Variants in TNIP3 observed in about 807,000 individuals in gnomAD.
TNIP3 encodes the protein TNFAIP3-interacting protein 3.
TNIP3 carries 34 observed loss-of-function variants against 54.1 expected under a neutral mutation model. The observed-to-expected ratio is 0.63, with a 90% confidence interval of 0.48 to 0.84. The LOEUF (loss-of-function observed/expected upper bound fraction) is 0.84, where lower values mean the gene tolerates loss of function less well. Among genes scored for constraint, TNIP3 ranks in the 40% least tolerant of loss-of-function variants. The pLI, the probability that TNIP3 is intolerant of heterozygous loss-of-function variation, is 0.00. For missense variants in TNIP3, 366 were observed against 387.6 expected (o/e 0.94, Z 0.47); for synonymous variants, 134 against 136.8 (o/e 0.98, Z 0.14).
chr4:121,140,873 A>G (rs1042445653), intron 9 of TNIP3, among the ~76,000 whole-genome samples: 1 of 152,194 alleles, frequency 6.6e-6, no homozygotes, highest in African/African-American at 2.4e-5. Flanking sequence ...GTCAAATAAG[A>G]GATGCTCATT....
intron 3 of TNIP3, among the ~76,000 whole-genome samples, chr4:121,170,183 C>T (rs539458715): frequency 6.6e-6 from 1 of 152,152 alleles, no homozygotes; most frequent in Non-Finnish European, 1.5e-5. Flanking sequence ...GTTGTTAATT[C>T]GATGTACCTT....
intron 1 of TNIP3, among the ~76,000 whole-genome samples, chr4:121,221,913 C>T (rs1727042831): frequency 6.6e-6 from 1 of 152,124 alleles, no homozygotes; most frequent in Non-Finnish European, 1.5e-5. Flanking sequence ...ACCTGCATTT[C>T]TTCTTCATGC....
intron 9 of TNIP3, among the ~76,000 whole-genome samples, chr4:121,140,316 A>G (rs1729040258): frequency 1.3e-5 from 2 of 152,068 alleles, no homozygotes; most frequent in South Asian, 4.1e-4. Context: ...CCTGGATGAC[A>G]GAGCGAGATG....
chr4:121,154,235 C>T (rs537317031), intron 5 of TNIP3: 6 of 312,620 alleles, frequency 1.9e-5, no homozygotes, highest in East Asian at 1.0e-4. Context: ...CCAAGAGATA[C>T]GTTATTGTTC....
At chr4:121,200,434 G>A (rs1344186836) in intron 2 of TNIP3, among the ~76,000 whole-genome samples, 2 of 152,098 alleles carry the variant, frequency 1.3e-5, no homozygotes, top group South Asian at 2.1e-4. Context: ...GGCTCAGGGG[G>A]TTTTCCACAC....
chr4:121,203,862 T>C (rs1427657855), intron 2 of TNIP3, among the ~76,000 whole-genome samples: 1 of 150,928 alleles, frequency 6.6e-6, no homozygotes, highest in Non-Finnish European at 1.5e-5. Flanking sequence ...TATTTTTCTC[T>C]GTGTTTATAC....
chr4:121,223,516 C>T (rs1024017981), intron 1 of TNIP3, among the ~76,000 whole-genome samples: 2 of 152,190 alleles, frequency 1.3e-5, no homozygotes, highest in Non-Finnish European at 2.9e-5. Flanking sequence ...AAGAAAATCA[C>T]TTTTGCTACT....
intron 3 of TNIP3, among the ~76,000 whole-genome samples, chr4:121,170,080 T>C (rs1044530166): frequency 2.0e-5 from 3 of 152,172 alleles, no homozygotes; most frequent in Non-Finnish European, 2.9e-5. Context: ...CTGTGAAGTC[T>C]CCCCTGGTCT....
intron 5 of TNIP3, 28 bp downstream of exon 5, chr4:121,154,523 A>G: frequency 1.2e-6 from 2 of 1,611,162 alleles, no homozygotes; most frequent in Non-Finnish European, 8.5e-7. Flanking sequence ...TTCTCATTTT[A>G]ATCTCCCATG....
At chr4:121,222,804 G>T (rs1579516501) in intron 1 of TNIP3, among the ~76,000 whole-genome samples, 14 of 105,762 alleles carry the variant, frequency 1.3e-4, no homozygotes, top group African/African-American at 3.8e-4. Context: ...TTTTTTGTGC[G>T]TTTTTTTTTT....
At chr4:121,196,103 G>C (rs1366899748) in intron 2 of TNIP3, among the ~76,000 whole-genome samples, 1 of 152,280 alleles carries the variant, frequency 6.6e-6, no homozygotes, top group Non-Finnish European at 1.5e-5. Context: ...CCTGTTCTTA[G>C]AGTTGAGGGA....
intron 5 of TNIP3, among the ~76,000 whole-genome samples, chr4:121,150,668 A>T (rs1729693796): frequency 6.6e-6 from 1 of 152,196 alleles, no homozygotes; most frequent in African/African-American, 2.4e-5. Context: ...TGGTTTGAGA[A>T]TTTGCATTTC....
At chr4:121,221,392 T>A (rs1341305960), upstream of TNIP3, among the ~76,000 whole-genome samples, 3 of 152,070 alleles carry the variant, frequency 2.0e-5, no homozygotes, top group East Asian at 5.8e-4. Context: ...GTAAAGCAGA[T>A]CACGTGACTA....
At chr4:121,182,639 G>A (rs1171671864) in intron 3 of TNIP3, 3 of 1,532,036 alleles carry the variant, frequency 2.0e-6, no homozygotes, top group Non-Finnish European at 2.6e-6. Flanking sequence ...CTGCTGAAGG[G>A]TACATCGAGA....
intron 9 of TNIP3, among the ~76,000 whole-genome samples, chr4:121,140,115 C>T (rs1729026914): frequency 1.3e-5 from 2 of 151,996 alleles, no homozygotes; most frequent in Non-Finnish European, 2.9e-5. Flanking sequence ...GTGGGCGGAT[C>T]ATGAGGTCAG....
chr4:121,186,569 T>A (rs757528839), intron 2 of TNIP3, among the ~76,000 whole-genome samples: 1 of 152,206 alleles, frequency 6.6e-6, no homozygotes, highest in African/African-American at 2.4e-5. Flanking sequence ...CTTTTTGGCC[T>A]GTTTTGTAAA....
chr4:121,132,823 G>A (rs1014186310), intron 10 of TNIP3, among the ~76,000 whole-genome samples, 161 bp from the exon 11 acceptor site: 3 of 151,932 alleles, frequency 2.0e-5, no homozygotes, highest in South Asian at 2.1e-4. Context: ...ATCAAGAAGC[G>A]GGAGATGGAG....
intron 3 of TNIP3, among the ~76,000 whole-genome samples, chr4:121,157,778 C>A (rs1042192593): frequency 6.6e-6 from 1 of 152,174 alleles, no homozygotes; most frequent in African/African-American, 2.4e-5. Context: ...ATGGATGCAT[C>A]TTCCAAGATG....
chr4:121,143,666 G>T (rs1160125383), intron 7 of TNIP3, among the ~76,000 whole-genome samples: 1 of 152,166 alleles, frequency 6.6e-6, no homozygotes, highest in Non-Finnish European at 1.5e-5. Context: ...GAAATGTTGG[G>T]TTAAGTTTCT....
Sources: gnomAD v4.1 joint callset for allele counts (sites outside exome capture counted in the v4.1 genomes callset) on GRCh38, gnomAD v4.1.1 for gene constraint, MANE v1.5 for transcripts, NCBI Gene and HGNC (gene_info 2026-07-23, HGNC 2026-07-21) for gene names.